The following RREB1 variants were observed in gnomAD, a reference collection of about 807,000 sequenced individuals.
The protein encoded by RREB1 is ras-responsive element-binding protein 1.
Under a neutral mutation model 117.8 loss-of-function variants are expected in RREB1, and 27 were observed. The observed-to-expected ratio is 0.23, with a 90% CI of 0.17 to 0.32. The LOEUF (loss-of-function observed/expected upper bound fraction) is 0.32. Among genes scored for constraint, RREB1 ranks in the 10% least tolerant of loss-of-function variants. The pLI is 1.00. For synonymous variants in RREB1, 1,298 were observed against 1,026.7 expected, an observed-to-expected ratio of 1.26 and a Z score of -5.05; for missense variants, 2,577 against 2,378.2, an observed-to-expected ratio of 1.08 and a Z score of -1.74.
In RREB1 at chr6:7,231,407, G is replaced by C. The variant is rs375261383; in HGVS notation, c.3308G>C (p.Ser1103Thr). ...STGSNTTASD[S>T]LGGSVPKAAT... is the part of the protein sequence containing the mutation. ...GGCAGTAACACCACGGCTTCAGACA[G>C]CTTAGGAGGTTCTGTCCCCAAAGCC... Residue 1103 changes from serine to threonine, a missense_variant, in exon 10 of 13, where the codon AGC (serine) becomes ACC (threonine). Coordinates refer to ENST00000379938, the MANE Select transcript of RREB1 (RefSeq NM_001003699.4). 21 of 1,613,422 alleles carry C rather than the reference G, an allele frequency of 1.3e-5. No individual in the cohort carries two copies. Among genetic ancestry groups the C allele is most frequent in the Non-Finnish European group, 1.6e-5 (19 of 1,179,926 alleles).
At chr6:7,191,611 G>A (rs1304997846) in intron 6 of RREB1, among the ~76,000 whole-genome samples, 1 of 152,186 alleles carries the variant, frequency 6.6e-6, no homozygotes, top group Non-Finnish European at 1.5e-5. Context: ...ATGAACATGG[G>A]ATGTTTTCCC....
At chr6:7,146,343 G>A (rs947140172) in intron 1 of RREB1, among the ~76,000 whole-genome samples, 4 of 152,100 alleles carry the variant, frequency 2.6e-5, no homozygotes, top group Non-Finnish European at 4.4e-5. Context: ...CTGTGGGACC[G>A]GGGGTAGATG....
At chr6:7,131,401 A>G (rs1762152490) in intron 1 of RREB1, among the ~76,000 whole-genome samples, 1 of 152,186 alleles carries the variant, frequency 6.6e-6, no homozygotes, top group Non-Finnish European at 1.5e-5. Context: ...TCAGTTACCT[A>G]ACTTAATGTA....
chr6:7,147,129 C>G (rs1762904111), intron 1 of RREB1, among the ~76,000 whole-genome samples: 1 of 152,186 alleles, frequency 6.6e-6, no homozygotes, highest in Non-Finnish European at 1.5e-5. Flanking sequence ...TCTCTGGATT[C>G]TCCCTGAGCT....
At chr6:7,205,981 G>A (rs1349959990) in intron 6 of RREB1, among the ~76,000 whole-genome samples, 2 of 152,154 alleles carry the variant, frequency 1.3e-5, no homozygotes, top group Admixed American at 6.5e-5. Flanking sequence ...ATTTGTGTTC[G>A]TTCATCACTG....
intron 1 of RREB1, among the ~76,000 whole-genome samples, chr6:7,171,224 T>C (rs1424116996): frequency 1.3e-5 from 2 of 152,152 alleles, no homozygotes; most frequent in East Asian, 3.9e-4. Flanking sequence ...GTTTCCAAAC[T>C]CTTGCCCGCT....
intron 1 of RREB1, among the ~76,000 whole-genome samples, chr6:7,170,201 C>G (rs1764145355): frequency 6.6e-6 from 1 of 152,194 alleles, no homozygotes; most frequent in Admixed American, 6.5e-5. Flanking sequence ...GAGTAAGGAG[C>G]AGACACCCTG....
intron 8 of RREB1, chr6:7,218,603 G>A (rs1253391856): frequency 6.6e-6 from 1 of 152,122 alleles, no homozygotes; most frequent in African/African-American, 2.4e-5. Flanking sequence ...CTCAGTTACT[G>A]GCTACAGATT....
At chr6:7,179,670 T>C (rs1003069440) in intron 2 of RREB1, among the ~76,000 whole-genome samples, 1 of 152,216 alleles carries the variant, frequency 6.6e-6, no homozygotes, top group African/African-American at 2.4e-5. Context: ...TTTTTAGTAG[T>C]CCATTAAGAA....
chr6:7,227,515 T>A lies in RREB1; in HGVS notation c.897+859T>A, dbSNP rs531371149. 1.2e-3 allele frequency among the ~76,000 whole-genome samples: 185 copies of A among 151,604 alleles called. 2 individuals carry two copies. Among genetic ancestry groups the A allele is most frequent in the African/African-American group, 4.3e-3 (178 of 41,210 alleles). On this transcript the variant is annotated intron_variant, in intron 9 of 12. Coordinates refer to ENST00000379938, the MANE Select transcript of RREB1 (RefSeq NM_001003699.4). ...GAGATCGCGCCACTGCACTCCAGCC[T>A]GGGCAACAGAGCGAGACTCCGTCTA...
chr6:7,157,148 T>C (rs1318028428), intron 1 of RREB1, among the ~76,000 whole-genome samples: 2 of 152,134 alleles, frequency 1.3e-5, no homozygotes, highest in Non-Finnish European at 2.9e-5. Flanking sequence ...AGTAAAATAT[T>C]TGGCTGGGCG....
At chr6:7,125,920 T>C (rs1325329272) in intron 1 of RREB1, among the ~76,000 whole-genome samples, 3 of 152,342 alleles carry the variant, frequency 2.0e-5, no homozygotes, top group African/African-American at 7.2e-5. Flanking sequence ...AACTGGCAGA[T>C]ACTGAATTAC....
chr6:7,144,054 G>A (rs1292093746), intron 1 of RREB1, among the ~76,000 whole-genome samples: 1 of 149,088 alleles, frequency 6.7e-6, no homozygotes, highest in African/African-American at 2.5e-5. Flanking sequence ...TGTTTTTGTG[G>A]CTTGGTTTTG....
intron 1 of RREB1, among the ~76,000 whole-genome samples, chr6:7,131,215 C>T (rs1333925629): frequency 2.0e-5 from 3 of 151,420 alleles, no homozygotes; most frequent in East Asian, 1.9e-4. Flanking sequence ...CGTGAGCCAC[C>T]GCGCCCGGCC....
chr6:7,189,267 C>T lies in RREB1; in HGVS notation c.370C>T (p.Pro124Ser), dbSNP rs1432619363. 1.2e-6 allele frequency: 2 copies of T among 1,607,204 alleles called. No individual in the cohort carries two copies. The highest frequency in any genetic ancestry group is 1.7e-5 in the Admixed American group (1 of 58,982). The change falls in exon 6 of 13, where the codon CCT (proline) becomes TCT (serine). Residue 124 changes from proline (P) to serine (S), a missense_variant. Transcript: ENST00000379938. ...CATGCTGGTGCACTCTGGCGAGAGGCCTTACAAGTGCACTGTGTGTGGCCA... is the reference window on the plus strand; with the variant it reads ...CATGCTGGTGCACTCTGGCGAGAGGTCTTACAAGTGCACTGTGTGTGGCCA... The part of the protein sequence containing the change: ...RHMLVHSGER[P>S]YKCTVCGQSF...
chr6:7,123,102 C>T (rs139623791), intron 1 of RREB1, among the ~76,000 whole-genome samples: 212 of 152,126 alleles, frequency 1.4e-3, no homozygotes, highest in African/African-American at 4.8e-3. Flanking sequence ...GTCTTACATA[C>T]GGCTGTTTTC....
At chr6:7,148,299 G>T (rs1272075329) in intron 1 of RREB1, among the ~76,000 whole-genome samples, 1 of 151,914 alleles carries the variant, frequency 6.6e-6, no homozygotes, top group African/African-American at 2.4e-5. Flanking sequence ...CCAATGTTGG[G>T]GATGGAAAAA....
At chr6:7,216,002 G>C (rs1766877971) in intron 8 of RREB1, 1 of 152,264 alleles carries the variant, frequency 6.6e-6, no homozygotes, top group African/African-American at 2.4e-5. Context: ...AGCCACTGCT[G>C]AGGGTGAAAC....
chr6:7,230,807 C>T lies in RREB1; in HGVS notation c.2708C>T (p.Ser903Leu), dbSNP rs1447165100. Residue 903 changes from serine to leucine, a missense_variant, in exon 10 of 13, where the codon TCG becomes TTG. Transcript: ENST00000379938. ...AVDFNEPLDF[S>L]QKGLALVQVK... ...GACTTCAATGAGCCCCTGGACTTCT[C>T]GCAGAAGGGCCTGGCCCTGGTCCAA... 6.2e-7 allele frequency: 1 copy of T among 1,614,204 alleles called. No individual in the cohort carries two copies. Among genetic ancestry groups the T allele is most frequent in the East Asian group, 2.2e-5 (1 of 44,886 alleles).
Sources: allele counts gnomAD v4.1 joint callset (sites outside exome capture counted in the v4.1 genomes callset), GRCh38; gene constraint gnomAD v4.1.1; transcripts MANE v1.5; gene names NCBI Gene and HGNC (gene_info 2026-07-23, HGNC 2026-07-21).